TEAD4: variants seen among roughly 807,000 people sequenced by gnomAD.
TEAD4 encodes transcriptional enhancer factor TEF-3.
A neutral mutation model predicts 52.4 loss-of-function variants in TEAD4; 36 were observed. The observed-to-expected ratio is 0.69, with a 90% CI of 0.53 to 0.91. The LOEUF (loss-of-function observed/expected upper bound fraction) is 0.91. Ranked by LOEUF, TEAD4 falls within the 40% of genes least tolerant of loss-of-function variation. TEAD4 has a pLI of 0.00. For synonymous variants in TEAD4, 220 were observed against 231.0 expected (o/e 0.95, Z 0.43); for missense variants, 508 against 583.9 (o/e 0.87, Z 1.34).
chr12:3,026,131 C>G (rs963898098), intron 10 of TEAD4, among the ~76,000 whole-genome samples: 1 of 152,022 alleles, frequency 6.6e-6, no homozygotes, highest in Non-Finnish European at 1.5e-5. Context: ...ATTTATTTCC[C>G]TCTGTTTTCT....
chr12:3,012,616 G>A (rs1340750474), intron 5 of TEAD4, among the ~76,000 whole-genome samples: 1 of 152,188 alleles, frequency 6.6e-6, no homozygotes, highest in Non-Finnish European at 1.5e-5. Context: ...GGGGGTGGGG[G>A]TGGCGTTTAT....
chr12:3,025,878 T>C (rs1331475459), intron 10 of TEAD4, among the ~76,000 whole-genome samples: 1 of 152,176 alleles, frequency 6.6e-6, no homozygotes, highest in Non-Finnish European at 1.5e-5. Flanking sequence ...GCATTTGTCA[T>C]TATCTTCTGA....
At chr12:2,990,967 T>G (rs1281133847) in intron 2 of TEAD4, among the ~76,000 whole-genome samples, 3 of 152,140 alleles carry the variant, frequency 2.0e-5, no homozygotes, top group Non-Finnish European at 4.4e-5. Context: ...GGAGAATTGC[T>G]TGAGGCTGGA....
At chr12:2,960,872 GGGA>G (rs1239725479) in intron 2 of TEAD4, among the ~76,000 whole-genome samples, 2 of 152,188 alleles carry the variant, frequency 1.3e-5, no homozygotes, top group Non-Finnish European at 2.9e-5. Context: ...CCTGAGTGCA[GGGA>G]TAATTTGACT....
chr12:2,988,533 T>C (rs1265524784), intron 2 of TEAD4, among the ~76,000 whole-genome samples: 10 of 151,336 alleles, frequency 6.6e-5, no homozygotes, highest in Non-Finnish European at 1.3e-4. Context: ...AAAAGATATA[T>C]TGGGACTTCA....
intron 10 of TEAD4, 78 bp from the exon 11 acceptor site, chr12:3,037,890 A>G: frequency 6.5e-7 from 1 of 1,535,838 alleles, no homozygotes. Context: ...CGGGACCGGG[A>G]CCCTGAGGTC....
chr12:3,005,867 G>C (rs1468814619), intron 3 of TEAD4, among the ~76,000 whole-genome samples: 1 of 152,060 alleles, frequency 6.6e-6, no homozygotes, highest in African/African-American at 2.4e-5. Flanking sequence ...TGAATTCCTG[G>C]GCTTGGGCGA....
chr12:3,038,696 G>A (rs897039924), intron 11 of TEAD4, among the ~76,000 whole-genome samples: 1 of 152,216 alleles, frequency 6.6e-6, no homozygotes, highest in African/African-American at 2.4e-5. Context: ...CAGTGGTGAG[G>A]AGCATAAGCG....
At chr12:2,988,475 C>T (rs191821057) in intron 2 of TEAD4, among the ~76,000 whole-genome samples, 150 of 146,890 alleles carry the variant, frequency 1.0e-3, no homozygotes, top group African/African-American at 3.4e-3. Flanking sequence ...GCCGAGATTG[C>T]GCCACTGCAC....
chr12:3,008,947 G>A (rs116124421), intron 3 of TEAD4, among the ~76,000 whole-genome samples: 4,524 of 152,248 alleles, frequency 0.03, 208 homozygotes, highest in African/African-American at 0.1. Flanking sequence ...CTTCCCTCAT[G>A]CTTTTCCTTG....
intron 2 of TEAD4, among the ~76,000 whole-genome samples, chr12:2,986,433 T>A (rs2098238545): frequency 6.6e-6 from 1 of 151,632 alleles, no homozygotes. Context: ...AGGTCAGGAG[T>A]TCGAGACCAG....
At chr12:3,020,546 G>C in intron 8 of TEAD4, 88 bp from the exon 9 acceptor site, 6 of 1,418,090 alleles carry the variant, frequency 4.2e-6, no homozygotes, top group Non-Finnish European at 4.6e-6. Context: ...GCACGGGTCT[G>C]TCCGAGGAGG....
chr12:3,025,509 C>T lies in TEAD4; in HGVS notation c.897+3492C>T, dbSNP rs573189859. Among the ~76,000 whole-genome samples the T allele has an allele frequency of 4.0e-5, 6 of 151,542 alleles. No homozygotes were observed. The South Asian group carries it at 1.0e-3, about 26-fold the overall frequency. ...AGAATCTAGATCATACATCATTTTC[C>T]CTAGAAAATGATGACTTTTTTTTTT... is the stretch of plus-strand genomic sequence containing the variant. On this transcript the variant is annotated intron_variant, in intron 10 of 12. Transcript: ENST00000359864.
chr12:2,978,495 C>T (rs2098231632), intron 2 of TEAD4, among the ~76,000 whole-genome samples: 2 of 151,766 alleles, frequency 1.3e-5, no homozygotes, highest in Admixed American at 6.6e-5. Context: ...TCGCTGCCTC[C>T]GGGGTTCAAG....
At chr12:2,996,557 C>T (rs772245657) in intron 3 of TEAD4, among the ~76,000 whole-genome samples, 1 of 151,988 alleles carries the variant, frequency 6.6e-6, no homozygotes, top group Admixed American at 6.6e-5. Context: ...ATTACAGGCA[C>T]GTGCCACCAC....
intron 2 of TEAD4, among the ~76,000 whole-genome samples, chr12:2,968,668 A>G (rs781275780): frequency 6.6e-6 from 1 of 151,142 alleles, no homozygotes; most frequent in Non-Finnish European, 1.5e-5. Context: ...TTGTTTTAAT[A>G]GATAGGATCT....
At chr12:3,025,738 T>C (rs2098271685) in intron 10 of TEAD4, among the ~76,000 whole-genome samples, 1 of 152,108 alleles carries the variant, frequency 6.6e-6, no homozygotes, top group African/African-American at 2.4e-5. Flanking sequence ...GATTTTTCAG[T>C]GTTGGCCAGG....
In TEAD4 at chr12:3,019,109, C is replaced by T; in HGVS notation, c.528-6C>T. On this transcript the variant is annotated splice_polypyrimidine_tract_variant and splice_region_variant and intron_variant, in intron 7 of 12. Transcript: ENST00000359864. ...GCTGACACCTCCCCTCCTCTCTCTC[C>T]CGCAGTGTGAAGCCTTTCTCTCAGC... The T allele has an allele frequency of 1.2e-6, 2 of 1,614,020 alleles. No homozygotes were observed. Among genetic ancestry groups the T allele is most frequent in the African/African-American group, 1.3e-5 (1 of 75,046 alleles).
intron 2 of TEAD4, among the ~76,000 whole-genome samples, chr12:2,984,239 A>T (rs2153954142): frequency 6.6e-6 from 1 of 152,264 alleles, no homozygotes; most frequent in South Asian, 2.1e-4. Context: ...CCCATCATGG[A>T]GTGTGTAGTG....
Sources: gnomAD v4.1 joint callset for allele counts (sites outside exome capture counted in the v4.1 genomes callset) on GRCh38, gnomAD v4.1.1 for gene constraint, MANE v1.5 for transcripts, NCBI Gene and HGNC (gene_info 2026-07-23, HGNC 2026-07-21) for gene names.